PRDX6: variants seen among roughly 807,000 people sequenced by gnomAD.
PRDX6 encodes peroxiredoxin 6.
In PRDX6, 13 loss-of-function variants were observed where a neutral mutation model predicts 20.0. That is an observed-to-expected ratio of 0.65 (90% CI 0.42 to 1.03). The LOEUF is 1.03. PRDX6 is among the 50% of genes least tolerant of loss of function. PRDX6 has a pLI of 0.00. For missense variants in PRDX6, 203 were observed against 276.9 expected (o/e 0.73, Z 1.89); for synonymous variants, 85 against 100.8 (o/e 0.84, Z 0.94).
intron 2 of PRDX6, among the ~76,000 whole-genome samples, chr1:173,482,282 C>T (rs190179886): frequency 6.6e-6 from 1 of 152,340 alleles, no homozygotes; most frequent in Admixed American, 6.5e-5. Flanking sequence ...TCATCAAAGC[C>T]TTTCTTGTCC....
intron 1 of PRDX6, among the ~76,000 whole-genome samples, chr1:173,480,075 C>T (rs1398496794): frequency 6.6e-6 from 1 of 152,178 alleles, no homozygotes; most frequent in Non-Finnish European, 1.5e-5. Context: ...ATATTATCTA[C>T]TTCAAAAGAT....
intron 4 of PRDX6, 101 bp from the exon 5 acceptor site, chr1:173,487,634 G>A: frequency 7.6e-7 from 1 of 1,313,998 alleles, no homozygotes; most frequent in Non-Finnish European, 1.1e-6. Context: ...CACTTGATTA[G>A]TCTCATTAGC....
chr1:173,483,081 CAT>C (rs2101857965), intron 2 of PRDX6, among the ~76,000 whole-genome samples: 2 of 152,198 alleles, frequency 1.3e-5, no homozygotes, highest in Non-Finnish European at 2.9e-5. Context: ...ATCTAATGCC[CAT>C]GATGCAAGTG....
At chr1:173,486,746 G>A (rs34853351) in intron 4 of PRDX6, among the ~76,000 whole-genome samples, 167 of 152,166 alleles carry the variant, frequency 1.1e-3, no homozygotes, top group African/African-American at 3.9e-3. Context: ...GGCCATTTCC[G>A]TTAAGTCATG....
At chr1:173,486,203 T>C in intron 3 of PRDX6, 52 bp from the exon 4 acceptor site, 1 of 1,486,540 alleles carries the variant, frequency 6.7e-7, no homozygotes, top group Non-Finnish European at 9.0e-7. Flanking sequence ...TCTAAGTGGC[T>C]TTAATAACAC....
In PRDX6 at chr1:173,487,871, G is replaced by A. The variant is rs1658926136; in HGVS notation, c.*8G>A. The A allele has an allele frequency of 6.2e-7, 1 of 1,611,986 alleles. No individual in the cohort carries two copies. Among genetic ancestry groups the A allele is most frequent in the South Asian group, 1.1e-5 (1 of 90,952 alleles). On this transcript the variant is annotated 3_prime_UTR_variant, in exon 5 of 5. Coordinates refer to ENST00000340385, the MANE Select transcript of PRDX6 (RefSeq NM_004905.3). The stretch of plus-strand genomic sequence containing the variant: ...TACACACCCCAGCCTTAAGTCTCTT[G>A]GAGAAGCTGGTGCTGTGAGCCAGAG...
chr1:173,482,536 G>A (rs530472040), intron 2 of PRDX6, among the ~76,000 whole-genome samples: 3 of 152,184 alleles, frequency 2.0e-5, no homozygotes, highest in Non-Finnish European at 2.9e-5. Context: ...GAATTTACTT[G>A]AACAGTAAAT....
chr1:173,478,302 A>G (rs1421450530), intron 1 of PRDX6, among the ~76,000 whole-genome samples: 5 of 152,144 alleles, frequency 3.3e-5, no homozygotes, highest in African/African-American at 9.7e-5. Context: ...GGAGTGGCCT[A>G]TTCTTGCTAG....
In PRDX6 at chr1:173,488,567, G is replaced by A. The variant is rs1279386602; in HGVS notation, c.*704G>A. On this transcript the variant is annotated 3_prime_UTR_variant, in exon 5 of 5. Coordinates refer to ENST00000340385, the MANE Select transcript of PRDX6 (RefSeq NM_004905.3). ...TCAAAATGGGGAGATTGCAGAAAAG[G>A]CTTCCCTTGGCTCCCAAGGAGGTGT... 3 of 152,178 alleles carry A rather than the reference G, an allele frequency of 2.0e-5. No homozygotes were observed. Among genetic ancestry groups the A allele is most frequent in the Non-Finnish European group, 4.4e-5 (3 of 68,042 alleles). The allele number at this position is 152,178 out of a possible 1,614,324, so 9.4% of individuals were successfully genotyped here.
chr1:173,479,449 GA>G (rs1203128745), intron 1 of PRDX6, among the ~76,000 whole-genome samples: 1 of 152,096 alleles, frequency 6.6e-6, no homozygotes, highest in East Asian at 1.9e-4. Context: ...TTTTTGAGAA[GA>G]AAAAATTAAA....
intron 2 of PRDX6, among the ~76,000 whole-genome samples, chr1:173,484,141 G>A (rs9425726): frequency 1.6e-5 from 2 of 124,894 alleles, no homozygotes; most frequent in Non-Finnish European, 3.2e-5. Context: ...AAAAAAATTA[G>A]ATATATATAT....
chr1:173,477,928 G>A (rs942212221), intron 1 of PRDX6, among the ~76,000 whole-genome samples: 1 of 152,178 alleles, frequency 6.6e-6, no homozygotes, highest in Non-Finnish European at 1.5e-5. Flanking sequence ...TCACTTCCCC[G>A]GACTAGTGCC....
chr1:173,487,740 G>T lies in PRDX6; in HGVS notation c.552G>T (p.Gly184=). 6.2e-7 allele frequency: 1 copy of T among 1,614,084 alleles called. No individual in the cohort carries two copies. Among genetic ancestry groups the T allele is most frequent in the Non-Finnish European group, 8.5e-7 (1 of 1,179,974 alleles). Residue 184 remains glycine, a synonymous_variant, in exon 5 of 5, where the codon GGG becomes GGT. Coordinates refer to ENST00000340385, the MANE Select transcript of PRDX6 (RefSeq NM_004905.3). ...RVATPVDWKD[G]DSVMVLPTIP... ...TTCTCAATGTCTTTCAATAGGATGG[G>T]GATAGTGTGATGGTCCTTCCAACCA...
At chr1:173,484,791 C>CACCCATATATTATTTTGA (rs1658869059) in intron 2 of PRDX6, among the ~76,000 whole-genome samples, 1 of 150,204 alleles carries the variant, frequency 6.7e-6, no homozygotes, top group Non-Finnish European at 1.5e-5. Flanking sequence ...TTTGACTTGT[C>CACCCATATATTATTTTGA]CTTCAAGTAT....
intron 1 of PRDX6, among the ~76,000 whole-genome samples, chr1:173,477,880 G>A (rs1012367221): frequency 2.0e-5 from 3 of 152,224 alleles, no homozygotes; most frequent in African/African-American, 7.2e-5. Flanking sequence ...AGGTAGCGTG[G>A]TCAGGCCGAG....
Position 173,488,743 on chromosome 1 carries a change from G to A in PRDX6, c.*880G>A, listed in dbSNP as rs1420853026. On this transcript the variant is annotated 3_prime_UTR_variant, in exon 5 of 5. Transcript: ENST00000340385. Reference sequence around the variant, plus strand: ...GTTTTAGTATAGAACTCTTCTTGCAGTGGGTTGCTATTTTCTAGATTTTAC... The same window carrying A: ...GTTTTAGTATAGAACTCTTCTTGCAATGGGTTGCTATTTTCTAGATTTTAC... The A allele has an allele frequency of 7.9e-5, 12 of 152,194 alleles. No individual in the cohort carries two copies. The highest frequency in any genetic ancestry group is 2.9e-4 in the African/African-American group (12 of 41,426). 9.4% of individuals were successfully genotyped at this position (152,194 alleles called of 1,614,324 possible).
chr1:173,481,551 G>A lies in PRDX6; in HGVS notation c.252+69G>A, dbSNP rs151327129. The stretch of plus-strand genomic sequence containing the variant: ...CAAGTTATAAATTATGGAGTACTTG[G>A]TTTTGAGGTTAAGGTACAAGTAAGC... On this transcript the variant is annotated intron_variant, in intron 2 of 4. Transcript: ENST00000340385. 129 of 1,505,216 alleles carry A rather than the reference G, an allele frequency of 8.6e-5. No individual in the cohort carries two copies. The African/African-American group carries it at 1.2e-3, about 14-fold the overall frequency. 93.2% of individuals were successfully genotyped at this position (1,505,216 alleles called of 1,614,324 possible).
chr1:173,481,620 C>T (rs746540930), intron 2 of PRDX6, 138 bp downstream of exon 2: 2 of 890,876 alleles, frequency 2.2e-6, no homozygotes, highest in Non-Finnish European at 3.5e-6. Flanking sequence ...TTCAGTTGAA[C>T]CACACAGTGA....
At chr1:173,480,454 G>A (rs548967539) in intron 1 of PRDX6, among the ~76,000 whole-genome samples, 9 of 152,356 alleles carry the variant, frequency 5.9e-5, no homozygotes, top group South Asian at 2.1e-4. Context: ...TGAAAGAGTA[G>A]TTTCTGTTGC....
Sources: gnomAD v4.1 joint callset for allele counts (sites outside exome capture counted in the v4.1 genomes callset) on GRCh38, gnomAD v4.1.1 for gene constraint, MANE v1.5 for transcripts, NCBI Gene and HGNC (gene_info 2026-07-23, HGNC 2026-07-21) for gene names.